Variants in CALN1 observed in about 807,000 individuals in gnomAD.
The protein encoded by CALN1 is calcium-binding protein 8.
In CALN1, 17 loss-of-function variants were observed where a neutral mutation model predicts 30.6. The observed-to-expected ratio is 0.56, with a 90% confidence interval of 0.38 to 0.83. The LOEUF (loss-of-function observed/expected upper bound fraction) is 0.83. Among genes scored for constraint, CALN1 ranks in the 40% least tolerant of loss-of-function variants. The pLI, the probability that CALN1 is intolerant of heterozygous loss-of-function variation, is 0.00. For synonymous variants in CALN1, 156 were observed against 131.4 expected (o/e 1.19, Z -1.28); for missense variants, 291 against 354.9 (o/e 0.82, Z 1.45).
At chr7:72,326,248 G>C (rs779329764) in intron 2 of CALN1, among the ~76,000 whole-genome samples, 1 of 152,078 alleles carries the variant, frequency 6.6e-6, no homozygotes, top group Non-Finnish European at 1.5e-5. Context: ...GATCCTGATC[G>C]TCCTTGCACA....
intron 2 of CALN1, among the ~76,000 whole-genome samples, chr7:72,331,174 A>AC (rs1392479778): frequency 6.6e-6 from 1 of 151,882 alleles, no homozygotes; most frequent in African/African-American, 2.4e-5. Context: ...ATATGGTGAA[A>AC]CCCCGTCTCT....
intron 3 of CALN1, among the ~76,000 whole-genome samples, chr7:72,194,019 G>A (rs1333992684): frequency 6.6e-6 from 1 of 152,180 alleles, no homozygotes; most frequent in Non-Finnish European, 1.5e-5. Flanking sequence ...CTGCTCAGGT[G>A]ATGGGTGCAC....
At chr7:72,118,537 C>T (rs1023392229) in intron 3 of CALN1, among the ~76,000 whole-genome samples, 3 of 152,178 alleles carry the variant, frequency 2.0e-5, no homozygotes, top group Non-Finnish European at 2.9e-5. Context: ...TAAGCTGAAT[C>T]GATTTTAGCA....
At position 72,324,253 on chromosome 7, in the gene CALN1, T is replaced by G. The variant is rs1027549872; in HGVS notation, c.120-45443A>C. ...GCAGCAAAGTTTGAGAACCACTGAA[T>G]TAAAATCTCTGCTTCAGATTCTAGC... On this transcript the variant is annotated intron_variant, in intron 2 of 6. Coordinates refer to ENST00000395275, the MANE Select transcript of CALN1 (RefSeq NM_031468.4). 2.2e-4 allele frequency among the ~76,000 whole-genome samples: 34 copies of G among 152,064 alleles called. 1 individual carries two copies. The highest frequency in any genetic ancestry group is 4.7e-4 in the Non-Finnish European group (32 of 68,008).
chr7:72,094,910 C>T (rs1336722396), intron 4 of CALN1, among the ~76,000 whole-genome samples: 1 of 152,110 alleles, frequency 6.6e-6, no homozygotes, highest in African/African-American at 2.4e-5. Flanking sequence ...CATGAGAACC[C>T]CATGTTTCTA....
intron 2 of CALN1, among the ~76,000 whole-genome samples, chr7:72,378,705 C>T (rs1301651246): frequency 4.7e-5 from 7 of 148,436 alleles, no homozygotes; most frequent in Admixed American, 1.3e-4. Flanking sequence ...TTTTTTGAGA[C>T]GGAATCTCAA....
At chr7:72,071,747 G>A (rs1235983275) in intron 4 of CALN1, among the ~76,000 whole-genome samples, 5 of 152,146 alleles carry the variant, frequency 3.3e-5, no homozygotes, top group East Asian at 1.9e-4. Flanking sequence ...AGGAAAGTAT[G>A]GTCCATTCAA....
At chr7:72,085,402 G>A (rs1805418533) in intron 4 of CALN1, among the ~76,000 whole-genome samples, 1 of 152,106 alleles carries the variant, frequency 6.6e-6, no homozygotes, top group South Asian at 2.1e-4. Context: ...TTTTTTTACA[G>A]TATATTGTTA....
intron 4 of CALN1, among the ~76,000 whole-genome samples, chr7:72,027,832 C>T (rs1315618864): frequency 8.0e-5 from 12 of 150,932 alleles, no homozygotes; most frequent in Admixed American, 2.0e-4. Context: ...CCGAGGTGGG[C>T]GGATCACGAG....
At chr7:72,291,394 A>G (rs1356576490) in intron 2 of CALN1, among the ~76,000 whole-genome samples, 1 of 152,160 alleles carries the variant, frequency 6.6e-6, no homozygotes, top group Non-Finnish European at 1.5e-5. Flanking sequence ...AGCCTTTGCA[A>G]CAGGTGACGC....
chr7:72,211,627 T>A (rs1440044926), intron 3 of CALN1, among the ~76,000 whole-genome samples: 1 of 152,232 alleles, frequency 6.6e-6, no homozygotes, highest in Non-Finnish European at 1.5e-5. Context: ...CAAGGCCTGG[T>A]ACATCACGAA....
chr7:72,357,620 G>C (rs1025070909), intron 2 of CALN1, among the ~76,000 whole-genome samples: 1 of 151,490 alleles, frequency 6.6e-6, no homozygotes, highest in Non-Finnish European at 1.5e-5. Context: ...AACGGAATCA[G>C]AATCTACAAA....
chr7:72,195,908 G>A (rs1051021024), intron 3 of CALN1, among the ~76,000 whole-genome samples: 3 of 152,110 alleles, frequency 2.0e-5, no homozygotes, highest in Admixed American at 6.5e-5. Context: ...GCCATAAAAA[G>A]AAATGAGGTA....
At chr7:72,367,652 G>C (rs1803953238) in intron 2 of CALN1, among the ~76,000 whole-genome samples, 1 of 151,934 alleles carries the variant, frequency 6.6e-6, no homozygotes, top group African/African-American at 2.4e-5. Flanking sequence ...ATAAAAATTA[G>C]CCAGGTCTCT....
chr7:71,873,001 ATT>A (rs371153112), intron 5 of CALN1, among the ~76,000 whole-genome samples: 35 of 115,576 alleles, frequency 3.0e-4, no homozygotes, highest in South Asian at 1.1e-3. Flanking sequence ...GTTTGTGACA[ATT>A]TTTTTTTTTT....
chr7:72,363,476 T>C (rs377579480), intron 2 of CALN1, among the ~76,000 whole-genome samples: 1 of 152,024 alleles, frequency 6.6e-6, no homozygotes, highest in East Asian at 1.9e-4. Flanking sequence ...TGACCTCAGG[T>C]GATCTGCCTG....
At chr7:72,206,535 T>G (rs1392635517) in intron 3 of CALN1, among the ~76,000 whole-genome samples, 1 of 152,228 alleles carries the variant, frequency 6.6e-6, no homozygotes, top group Admixed American at 6.5e-5. Flanking sequence ...CAGTGCCTTA[T>G]CCTACAAGCT....
chr7:71,817,872 C>A (rs1003358749), intron 5 of CALN1, among the ~76,000 whole-genome samples: 1 of 150,834 alleles, frequency 6.6e-6, no homozygotes, highest in Non-Finnish European at 1.5e-5. Context: ...TTTCTATAAA[C>A]TTACTTTTTT....
intron 5 of CALN1, among the ~76,000 whole-genome samples, chr7:71,985,347 G>C (rs1245109761): frequency 6.6e-6 from 1 of 152,090 alleles, no homozygotes; most frequent in Non-Finnish European, 1.5e-5. Flanking sequence ...AAGCTCTTTA[G>C]AAAGCAACGC....
Sources: gnomAD v4.1 joint callset for allele counts (sites outside exome capture counted in the v4.1 genomes callset) on GRCh38, gnomAD v4.1.1 for gene constraint, MANE v1.5 for transcripts, NCBI Gene and HGNC (gene_info 2026-07-23, HGNC 2026-07-21) for gene names.